MAN2A2: variants seen among roughly 807,000 people sequenced by gnomAD.
MAN2A2 encodes the protein mannosidase alpha class 2A member 2.
Under a neutral mutation model 126.8 loss-of-function variants are expected in MAN2A2, and 79 were observed. The observed-to-expected ratio is 0.62, with a 90% CI of 0.52 to 0.75. The LOEUF is 0.75. MAN2A2 is among the 30% of genes least tolerant of loss of function. The pLI is 0.00. For synonymous variants in MAN2A2, 671 were observed against 618.7 expected (o/e 1.08, Z -1.25); for missense variants, 1,392 against 1,522.4 (o/e 0.91, Z 1.43).
At chr15:90,916,720 C>T in intron 20 of MAN2A2, 2 of 1,230,484 alleles carry the variant, frequency 1.6e-6, no homozygotes, top group Non-Finnish European at 2.1e-6. Flanking sequence ...GCGCCAGAGC[C>T]CAGGTGACAG....
rs754945859 is a variant in MAN2A2 at position 90,910,241 on chromosome 15, C to T, written c.1526C>T (p.Thr509Ile). The change falls in exon 10 of 23, where the codon ACT becomes ATT. Residue 509 changes from threonine (T) to isoleucine (I), a missense_variant. Coordinates refer to ENST00000559717, the MANE Select transcript of MAN2A2 (RefSeq NM_006122.4). Reference protein sequence around the residue: ...REDHYWTGYYTSRPFYKSLDR... With the variant: ...REDHYWTGYYISRPFYKSLDR... ...GATCATTACTGGACAGGCTATTACACTTCCCGGCCCTTCTACAAGAGCTTA... is the reference window on the plus strand; with the variant it reads ...GATCATTACTGGACAGGCTATTACATTTCCCGGCCCTTCTACAAGAGCTTA... The T allele has an allele frequency of 6.2e-7, 1 of 1,614,222 alleles. No individual in the cohort carries two copies. Among genetic ancestry groups the T allele is most frequent in the Non-Finnish European group, 8.5e-7 (1 of 1,180,042 alleles).
intron 7 of MAN2A2, 75 bp from the exon 8 acceptor site, chr15:90,907,234 G>T: frequency 6.8e-7 from 1 of 1,461,076 alleles, no homozygotes; most frequent in Non-Finnish European, 9.5e-7. Flanking sequence ...GCTGCCTTTA[G>T]CCTGAACAGA....
Position 90,912,943 on chromosome 15 carries a change from G to T in MAN2A2, c.2536G>T (p.Ala846Ser), listed in dbSNP as rs1266491. The change falls in exon 17 of 23, where the codon GCG becomes TCG. Residue 846 changes from alanine to serine, a missense_variant. By Grantham distance (99) the Ala-to-Ser change is moderately conservative. Transcript: ENST00000559717. Reference sequence around the variant, plus strand: ...AGGCCCTTTCTTCTCAGAGGTGGTTGCGTACTATGAGCACATTCACCAGGC... The same window carrying T: ...AGGCCCTTTCTTCTCAGAGGTGGTTTCGTACTATGAGCACATTCACCAGGC... ...TEGPFFSEVV[A>S]YYEHIHQAVR... 5.2e-4 allele frequency: 845 copies of T among 1,614,118 alleles called. 3 individuals are homozygous for T. In the African/African-American group the frequency reaches 9.4e-3, roughly 18 times the overall value.
At chr15:90,912,400 G>A (rs938358867) in intron 15 of MAN2A2, 121 bp downstream of exon 15, 14 of 1,559,044 alleles carry the variant, frequency 9.0e-6, no homozygotes, top group African/African-American at 2.7e-5. Context: ...ACAGTGGACC[G>A]GGGCCTGGGC....
chr15:90,918,109 G>C, intron 20 of MAN2A2, 85 bp from the exon 21 acceptor site: 1 of 1,320,516 alleles, frequency 7.6e-7, no homozygotes, highest in Non-Finnish European at 1.1e-6. Context: ...CAAAACAACT[G>C]ACCTGGGTGT....
At chr15:90,919,614 C>T (rs548164871) in intron 22 of MAN2A2, 21 bp from the exon 23 acceptor site, 1 of 1,612,938 alleles carries the variant, frequency 6.2e-7, no homozygotes, top group South Asian at 1.1e-5. Context: ...CACAACCCTG[C>T]CCCTTCTCTG....
chr15:90,910,047 A>G (rs776005280), intron 9 of MAN2A2, 43 bp from the exon 10 acceptor site: 154 of 1,545,150 alleles, frequency 1.0e-4, no homozygotes, highest in Non-Finnish European at 1.2e-4. Flanking sequence ...AATTTGCAGG[A>G]GGCTCTAGAA....
chr15:90,911,360 G>C lies in MAN2A2; in HGVS notation c.1944-25G>C, dbSNP rs1298750517. The C allele has an allele frequency of 2.5e-6, 4 of 1,613,772 alleles. No individual in the cohort carries two copies. In the Admixed American group the frequency reaches 5.0e-5, roughly 20 times the overall value. On this transcript the variant is annotated intron_variant, in intron 13 of 22. Coordinates refer to ENST00000559717, the MANE Select transcript of MAN2A2 (RefSeq NM_006122.4). Reference sequence around the variant, plus strand: ...CCCTGGTCGGAAGCAGCAGCCTCCTGGGTCAGCCCACCTTCTACGCACAGG... The same window carrying C: ...CCCTGGTCGGAAGCAGCAGCCTCCTCGGTCAGCCCACCTTCTACGCACAGG...
At chr15:90,908,356 C>T (rs991788097) in intron 8 of MAN2A2, among the ~76,000 whole-genome samples, 3 of 152,142 alleles carry the variant, frequency 2.0e-5, no homozygotes, top group South Asian at 2.1e-4. Flanking sequence ...GGGCCAGCGC[C>T]GCTAAGTAGA....
rs146537715 is a variant in MAN2A2 at position 90,921,232 on chromosome 15, G to A, written c.*1445G>A. ...AAGACCTGTTAAGAGTATTCTGTAA[G>A]TCAACCCAATGATACACATCATGTT... On this transcript the variant is annotated 3_prime_UTR_variant, in exon 23 of 23. Coordinates refer to ENST00000559717, the MANE Select transcript of MAN2A2 (RefSeq NM_006122.4). The A allele has an allele frequency of 3.4e-4, 52 of 152,332 alleles. 1 individual carries two copies. In the East Asian group the frequency reaches 9.2e-3, roughly 27 times the overall value. 9.4% of individuals were successfully genotyped at this position (152,332 alleles called of 1,614,324 possible).
intron 16 of MAN2A2, 58 bp from the exon 17 acceptor site, chr15:90,912,819 C>A: frequency 1.3e-6 from 2 of 1,557,402 alleles, no homozygotes; most frequent in Non-Finnish European, 1.8e-6. Flanking sequence ...CCTGGGCTGG[C>A]ACCTTCCTGC....
chr15:90,907,651 C>T, intron 8 of MAN2A2, 156 bp downstream of exon 8: 2 of 657,372 alleles, frequency 3.0e-6, no homozygotes, highest in Non-Finnish European at 5.1e-6. Context: ...ACTGGAATGG[C>T]TCTTGCAACC....
In MAN2A2 at chr15:90,911,773, A is replaced by G. The variant is rs552465004; in HGVS notation, c.2109+223A>G. 1.5e-3 allele frequency: 908 copies of G among 610,434 alleles called. 16 individuals are homozygous for G. The South Asian group carries it at 0.017, about 11-fold the overall frequency. 37.8% of individuals were successfully genotyped at this position (610,434 alleles called of 1,614,324 possible). A position where few individuals can be genotyped will look rare whatever the true frequency, so the allele number is the denominator to read the frequency against. ...TGGTATGGTAATAGTAATGGTAAAAATAGCAGTTATAATGCCCCATCATTC... is the reference window on the plus strand; with the variant it reads ...TGGTATGGTAATAGTAATGGTAAAAGTAGCAGTTATAATGCCCCATCATTC... On this transcript the variant is annotated intron_variant, in intron 14 of 22. Transcript: ENST00000559717.
In MAN2A2 at chr15:90,910,873, A is replaced by G. The variant is rs1281719077; in HGVS notation, c.1787A>G (p.Lys596Arg). 2 of 1,614,104 alleles carry G rather than the reference A, an allele frequency of 1.2e-6. No homozygotes were observed. Among genetic ancestry groups the G allele is most frequent in the Non-Finnish European group, 1.7e-6 (2 of 1,180,014 alleles). Residue 596 changes from lysine to arginine, a missense_variant, in exon 12 of 23, where the codon AAG becomes AGG. By Grantham distance (26) the Lys-to-Arg change is conservative. Coordinates refer to ENST00000559717, the MANE Select transcript of MAN2A2 (RefSeq NM_006122.4). ...CTTCTGCGCTCCCTTGTCAACCTGAAGCAGGTCATCATTCATGCAGCCCAC... is the reference window on the plus strand; with the variant it reads ...CTTCTGCGCTCCCTTGTCAACCTGAGGCAGGTCATCATTCATGCAGCCCAC... ...VRLLRSLVNL[K>R]QVIIHAAHYL...
At position 90,918,552 on chromosome 15, in the gene MAN2A2, C is replaced by T. The variant is rs2035361084; in HGVS notation, c.3190-93C>T. On this transcript the variant is annotated intron_variant, in intron 21 of 22. Coordinates refer to ENST00000559717, the MANE Select transcript of MAN2A2 (RefSeq NM_006122.4). Reference sequence around the variant, plus strand: ...GGCCTTTCCTTACCCACACGCCTCCCTGTGCCAGCACTGCCTCTGGGCAGA... The same window carrying T: ...GGCCTTTCCTTACCCACACGCCTCCTTGTGCCAGCACTGCCTCTGGGCAGA... 9 of 1,208,322 alleles carry T rather than the reference C, an allele frequency of 7.4e-6. No homozygotes were observed. In the South Asian group the frequency reaches 8.1e-5, roughly 11 times the overall value. 74.9% of individuals were successfully genotyped at this position (1,208,322 alleles called of 1,614,324 possible).
Position 90,919,621 on chromosome 15 carries a change from T to C in MAN2A2, c.3301-14T>C, listed in dbSNP as rs1696688331. On this transcript the variant is annotated splice_polypyrimidine_tract_variant and intron_variant, in intron 22 of 22. Transcript: ENST00000559717. ...GCACCTAGCACAACCCTGCCCCTTC[T>C]CTGCTCTCCACAGGTAGCCCTGGGC... The C allele has an allele frequency of 6.2e-7, 1 of 1,613,512 alleles. No homozygotes were observed. The highest frequency in any genetic ancestry group is 8.5e-7 in the Non-Finnish European group (1 of 1,179,720).
chr15:90,904,429 C>CT, intron 2 of MAN2A2, 90 bp downstream of exon 2: 16 of 1,411,152 alleles, frequency 1.1e-5, no homozygotes, highest in East Asian at 2.5e-5. Context: ...CCCTCCCACC[C>CT]CCCGCTGGAG....
At chr15:90,904,157 T>C in intron 1 of MAN2A2, 33 bp from the exon 2 acceptor site, 1 of 1,613,476 alleles carries the variant, frequency 6.2e-7, no homozygotes, top group Non-Finnish European at 8.5e-7. Context: ...GCATTTTGCA[T>C]GTTGGAGCTA....
At chr15:90,914,097 T>TGGGAGGCCAAGGC (rs972955209) in intron 19 of MAN2A2, among the ~76,000 whole-genome samples, 1 of 152,150 alleles carries the variant, frequency 6.6e-6, no homozygotes, top group African/African-American at 2.4e-5. Context: ...CCAGCACTGT[T>TGGGAGGCCAAGGC]GGGAGGCCAA....
Sources: gnomAD v4.1 joint callset for allele counts (sites outside exome capture counted in the v4.1 genomes callset) on GRCh38, gnomAD v4.1.1 for gene constraint, MANE v1.5 for transcripts, NCBI Gene and HGNC (gene_info 2026-07-23, HGNC 2026-07-21) for gene names.